The following RIMS2 variants were observed in gnomAD, a reference collection of about 807,000 sequenced individuals.
RIMS2 encodes regulating synaptic membrane exocytosis 2.
A neutral mutation model predicts 174.4 loss-of-function variants in RIMS2; 59 were observed. The ratio of observed to expected loss-of-function variants is 0.34; its 90% CI spans 0.27 to 0.42. The LOEUF (loss-of-function observed/expected upper bound fraction) is 0.42. Among genes scored for constraint, RIMS2 ranks in the 10% least tolerant of loss-of-function variants. The pLI is 1.00. For missense variants in RIMS2, 1,620 were observed against 1,666.3 expected (o/e 0.97, Z 0.48); for synonymous variants, 606 against 572.5 (o/e 1.06, Z -0.84).
intron 3 of RIMS2, among the ~76,000 whole-genome samples, chr8:103,781,211 G>A (rs77404822): frequency 0.16 from 23,914 of 152,116 alleles, 1,991 homozygotes; most frequent in Middle Eastern, 0.25. Flanking sequence ...GTTGGGGGAA[G>A]TATTCCACAC....
intron 20 of RIMS2, among the ~76,000 whole-genome samples, chr8:104,246,194 C>T (rs1178105662): frequency 6.6e-6 from 1 of 152,126 alleles, no homozygotes; most frequent in Non-Finnish European, 1.5e-5. Context: ...ATTACCATAC[C>T]TTCCAGTGGG....
intron 3 of RIMS2, among the ~76,000 whole-genome samples, chr8:103,789,285 T>C (rs1178451502): frequency 6.6e-6 from 1 of 152,130 alleles, no homozygotes; most frequent in African/African-American, 2.4e-5. Flanking sequence ...TCGGCCATCT[T>C]GGCTCCTCCC....
intron 1 of RIMS2, among the ~76,000 whole-genome samples, chr8:103,524,500 T>C (rs1833082799): frequency 6.6e-6 from 1 of 151,906 alleles, no homozygotes; most frequent in Admixed American, 6.6e-5. Context: ...AAGCAGAAAA[T>C]GGACAGTGAA....
At chr8:104,048,864 T>G (rs2096738185) in intron 19 of RIMS2, among the ~76,000 whole-genome samples, 2 of 152,284 alleles carry the variant, frequency 1.3e-5, no homozygotes, top group South Asian at 4.1e-4. Context: ...GCCGAGGTTA[T>G]TTTTTAGATA....
intron 19 of RIMS2, among the ~76,000 whole-genome samples, chr8:104,050,715 C>G (rs2096771694): frequency 6.6e-6 from 1 of 152,110 alleles, no homozygotes; most frequent in Non-Finnish European, 1.5e-5. Flanking sequence ...AAGCGTAGCA[C>G]TGGACGGTAG....
In RIMS2 at chr8:104,069,021, C is replaced by G. The variant is rs118042918; in HGVS notation, c.3334+54406C>G. Among the ~76,000 whole-genome samples, 1,143 of 152,232 alleles carry G rather than the reference C, an allele frequency of 7.5e-3. 7 individuals carry two copies. Among genetic ancestry groups the G allele is most frequent in the South Asian group, 9.3e-3 (45 of 4,822 alleles). On this transcript the variant is annotated intron_variant, in intron 19 of 23. Transcript: ENST00000504942. ...AAATGGTGCCTGCCTTATAGTGGAT[C>G]AACTTACAAGTTTTTGACTTTAGGG... is the stretch of plus-strand genomic sequence containing the variant.
chr8:103,633,107 A>AC (rs2095982149), intron 1 of RIMS2, among the ~76,000 whole-genome samples: 1 of 146,994 alleles, frequency 6.8e-6, no homozygotes, highest in Non-Finnish European at 1.5e-5. Flanking sequence ...GCTCACTGCA[A>AC]CCTCCATCTC....
At position 103,604,225 on chromosome 8, in the gene RIMS2, C is replaced by A. The variant is rs982981874; in HGVS notation, c.177-92861C>A. On this transcript the variant is annotated intron_variant, in intron 1 of 23. Transcript: ENST00000504942. ...TTCAGCTTTCTACATATGGCTAGCCCGTTTTCCCAGCACCATTTATTAAAT... is the reference window on the plus strand; with the variant it reads ...TTCAGCTTTCTACATATGGCTAGCCAGTTTTCCCAGCACCATTTATTAAAT... Among the ~76,000 whole-genome samples, 438 of 150,760 alleles carry A rather than the reference C, an allele frequency of 2.9e-3. 6 individuals carry two copies. Among genetic ancestry groups the A allele is most frequent in the African/African-American group, 9.8e-3 (405 of 41,164 alleles).
At chr8:103,961,488 A>AT (rs2090064196) in intron 15 of RIMS2, among the ~76,000 whole-genome samples, 1 of 152,288 alleles carries the variant, frequency 6.6e-6, no homozygotes, top group Middle Eastern at 3.4e-3. Context: ...TGTAACCACC[A>AT]TATCTAAATA....
intron 6 of RIMS2, among the ~76,000 whole-genome samples, chr8:103,912,409 C>G (rs2075846142): frequency 6.6e-6 from 1 of 151,968 alleles, no homozygotes; most frequent in Non-Finnish European, 1.5e-5. Context: ...TTAAAAGTAA[C>G]CTAATTAAGA....
At chr8:103,975,734 A>G (rs1228575979) in intron 16 of RIMS2, 3 of 350,764 alleles carry the variant, frequency 8.6e-6, no homozygotes, top group Non-Finnish European at 1.6e-5. Flanking sequence ...GCTTAAAACC[A>G]GGGAAGCTGA....
At chr8:103,533,152 G>A (rs939287938) in intron 1 of RIMS2, among the ~76,000 whole-genome samples, 4 of 152,196 alleles carry the variant, frequency 2.6e-5, no homozygotes, top group Non-Finnish European at 5.9e-5. Flanking sequence ...TGGTTCTCTT[G>A]TTAGCCAAGC....
At chr8:103,687,839 C>G (rs1337366483) in intron 1 of RIMS2, among the ~76,000 whole-genome samples, 1 of 151,956 alleles carries the variant, frequency 6.6e-6, no homozygotes, top group Non-Finnish European at 1.5e-5. Context: ...AATGACAGGA[C>G]TTCTTTCTTT....
chr8:103,587,297 G>T (rs924473514), intron 1 of RIMS2, among the ~76,000 whole-genome samples: 8 of 151,668 alleles, frequency 5.3e-5, no homozygotes, highest in African/African-American at 1.9e-4. Context: ...GTGGATACCA[G>T]TTCTACTCAA....
chr8:104,166,107 C>CCCAGGCTG (rs1320105184), intron 19 of RIMS2, among the ~76,000 whole-genome samples: 135 of 142,912 alleles, frequency 9.4e-4, no homozygotes, highest in African/African-American at 3.2e-3. Flanking sequence ...CGCTCTGTCG[C>CCCAGGCTG]CCAGGCTGGA....
At chr8:103,507,443 T>A (rs1294385653) in intron 1 of RIMS2, among the ~76,000 whole-genome samples, 5 of 152,070 alleles carry the variant, frequency 3.3e-5, no homozygotes, top group Admixed American at 3.3e-4. Context: ...GCCTTACACA[T>A]AGTAGTACTC....
chr8:104,014,224 C>T (rs1434959064), intron 18 of RIMS2, among the ~76,000 whole-genome samples: 1 of 152,080 alleles, frequency 6.6e-6, no homozygotes, highest in Non-Finnish European at 1.5e-5. Flanking sequence ...TCTCCTCTTG[C>T]TTTCAATGGA....
chr8:103,854,325 T>G (rs1014124540), intron 3 of RIMS2, among the ~76,000 whole-genome samples: 20 of 152,136 alleles, frequency 1.3e-4, no homozygotes, highest in Admixed American at 6.6e-5. Context: ...ATTGACTTCT[T>G]CTTTTCCTAT....
intron 19 of RIMS2, among the ~76,000 whole-genome samples, chr8:104,021,305 A>T (rs1024289914): frequency 6.6e-6 from 1 of 152,178 alleles, no homozygotes; most frequent in Non-Finnish European, 1.5e-5. Flanking sequence ...AAATAAAGTT[A>T]AATCATGTAA....
Sources: allele counts gnomAD v4.1 joint callset (sites outside exome capture counted in the v4.1 genomes callset), GRCh38; gene constraint gnomAD v4.1.1; transcripts MANE v1.5; gene names NCBI Gene and HGNC (gene_info 2026-07-23, HGNC 2026-07-21).